The following OSBPL10 variants were observed in gnomAD, a reference collection of about 807,000 sequenced individuals.
OSBPL10 encodes the protein oxysterol-binding protein-related protein 10.
A neutral mutation model predicts 81.7 loss-of-function variants in OSBPL10; 49 were observed. The ratio of observed to expected loss-of-function variants is 0.60; its 90% CI spans 0.48 to 0.76. The LOEUF is 0.76. OSBPL10 is among the 30% of genes least tolerant of loss of function. The pLI is 0.00. For missense variants in OSBPL10, 923 were observed against 987.8 expected (o/e 0.93, Z 0.88); for synonymous variants, 419 against 383.6 (o/e 1.09, Z -1.08).
intron 2 of OSBPL10, chr3:31,988,627 T>C (rs181941609): frequency 4.3e-4 from 78 of 180,194 alleles, no homozygotes; most frequent in African/African-American, 1.8e-3. Context: ...TCTCTTTCTC[T>C]CTCCCCCTGT....
intron 3 of OSBPL10, among the ~76,000 whole-genome samples, chr3:31,849,853 C>T (rs1224489966): frequency 6.6e-6 from 1 of 152,072 alleles, no homozygotes; most frequent in South Asian, 2.1e-4. Context: ...GCCTGGGCAA[C>T]ATAGTGAGTC....
intron 4 of OSBPL10, among the ~76,000 whole-genome samples, chr3:31,802,465 C>T (rs148411559): frequency 0.03 from 4,347 of 146,802 alleles, 80 homozygotes; most frequent in Non-Finnish European, 0.042. Flanking sequence ...ACTTAGGAGG[C>T]TGAGGCAGGA....
upstream of OSBPL10, chr3:31,982,042 C>T (rs1698860729): frequency 6.6e-6 from 1 of 152,324 alleles, no homozygotes; most frequent in East Asian, 1.9e-4. Context: ...CACTCACTGG[C>T]CTAACCCTAA....
chr3:31,684,021 C>T lies in OSBPL10; in HGVS notation c.1339G>A (p.Ala447Thr), dbSNP rs754059421. Reference sequence around the variant, plus strand: ...ACTCTCTCCTCTGGTGTGGCCCCAGCGGTGATGGCCAGCAGTAGGTCTGGG... The same window carrying T: ...ACTCTCTCCTCTGGTGTGGCCCCAGTGGTGATGGCCAGCAGTAGGTCTGGG... ...AHPDLLLAIT[A>T]GATPEERVIC... Residue 447 changes from alanine (A) to threonine (T), a missense_variant, in exon 8 of 12, where the codon GCT becomes ACT. By Grantham distance (58) the Ala-to-Thr change is moderately conservative. Around this residue, in one of 3 missense-constraint regions of OSBPL10, gnomAD observed 387 missense variants for 436.3 expected, o/e 0.89. Coordinates refer to ENST00000396556, the MANE Select transcript of OSBPL10 (RefSeq NM_017784.5). The T allele has an allele frequency of 1.7e-5, 28 of 1,614,060 alleles. No individual in the cohort carries two copies. Among genetic ancestry groups the T allele is most frequent in the Middle Eastern group, 1.6e-4 (1 of 6,084 alleles).
chr3:31,783,114 TA>T (rs1559462852), intron 4 of OSBPL10, among the ~76,000 whole-genome samples: 3,212 of 20,054 alleles, frequency 0.16, 64 homozygotes, highest in East Asian at 0.32. Flanking sequence ...ATATCTATTA[TA>T]TATATATATA....
At chr3:31,662,893 C>T in intron 11 of OSBPL10, 1 of 985,470 alleles carries the variant, frequency 1.0e-6, no homozygotes, top group Non-Finnish European at 1.2e-6. Context: ...GGTTTTACCT[C>T]ACCTGGGCAG....
At position 31,917,521 on chromosome 3, in the gene OSBPL10, A is replaced by G. The variant is rs138923662; in HGVS notation, c.282-37691T>C. ...AAGACTACAGACACCCAAACCTCCT[A>G]CTCACAAGTATGCTTTGTTTTTATC... On this transcript the variant is annotated intron_variant, in intron 1 of 11. Coordinates refer to ENST00000396556, the MANE Select transcript of OSBPL10 (RefSeq NM_017784.5). 4.3e-4 allele frequency among the ~76,000 whole-genome samples: 64 copies of G among 150,314 alleles called. 1 individual carries two copies. Among genetic ancestry groups the G allele is most frequent in the Admixed American group, 8.1e-4 (12 of 14,892 alleles).
Position 31,662,021 on chromosome 3 carries a change from A to G in OSBPL10, c.*51T>C, listed in dbSNP as rs1310650702. On this transcript the variant is annotated 3_prime_UTR_variant, in exon 12 of 12. Coordinates refer to ENST00000396556, the MANE Select transcript of OSBPL10 (RefSeq NM_017784.5). ...AAAACCCTGATACTCTACTACTTTAATATTCCTACAAAAACAGGGCTATAC... is the reference window on the plus strand; with the variant it reads ...AAAACCCTGATACTCTACTACTTTAGTATTCCTACAAAAACAGGGCTATAC... The G allele has an allele frequency of 6.2e-7, 1 of 1,604,592 alleles. No individual in the cohort carries two copies. Among genetic ancestry groups the G allele is most frequent in the East Asian group, 2.2e-5 (1 of 44,638 alleles).
intron 1 of OSBPL10, among the ~76,000 whole-genome samples, chr3:31,921,866 A>C (rs995550515): frequency 6.6e-6 from 1 of 152,228 alleles, no homozygotes; most frequent in Admixed American, 6.5e-5. Flanking sequence ...ATTACAAATC[A>C]TGTTGATAGT....
chr3:31,694,092 C>T (rs908230983), intron 7 of OSBPL10, among the ~76,000 whole-genome samples: 4 of 152,136 alleles, frequency 2.6e-5, no homozygotes, highest in Non-Finnish European at 4.4e-5. Context: ...GTTTGCTGGC[C>T]GGGTGCAAAG....
intron 1 of OSBPL10, among the ~76,000 whole-genome samples, chr3:31,971,139 CTTTT>C (rs56785817): frequency 0.14 from 17,316 of 119,432 alleles, 1,214 homozygotes; most frequent in East Asian, 0.34. Context: ...TTTCTTTTTT[CTTTT>C]TTTTTTTTTT....
At chr3:31,970,037 A>T (rs1401528377) in intron 1 of OSBPL10, among the ~76,000 whole-genome samples, 2 of 152,166 alleles carry the variant, frequency 1.3e-5, no homozygotes, top group Non-Finnish European at 2.9e-5. Context: ...ATGAAGGGGT[A>T]GGAGACCAAG....
chr3:31,670,053 A>G (rs1389418485), intron 9 of OSBPL10, among the ~76,000 whole-genome samples: 1 of 152,190 alleles, frequency 6.6e-6, no homozygotes, highest in Non-Finnish European at 1.5e-5. Flanking sequence ...GATTTCAACT[A>G]CCAACATGAT....
At chr3:31,842,667 C>G (rs1418365573) in intron 3 of OSBPL10, among the ~76,000 whole-genome samples, 1 of 152,054 alleles carries the variant, frequency 6.6e-6, no homozygotes, top group South Asian at 2.1e-4. Context: ...CTTCCTGTCC[C>G]CAGAGACTCT....
chr3:31,683,801 G>C lies in OSBPL10; in HGVS notation c.1559C>G (p.Pro520Arg). Residue 520 changes from proline to arginine, a missense_variant, in exon 8 of 12, where the codon CCT becomes CGT. Transcript: ENST00000396556. ...SCHEHPMADDPSKSYKLRFVA... is the reference protein window; with the variant it reads ...SCHEHPMADDRSKSYKLRFVA... Reference sequence around the variant, plus strand: ...AAACCTTAGTTTGTAGCTTTTGGAAGGGTCATCGGCCATTGGGTGTTCGTG... The same window carrying C: ...AAACCTTAGTTTGTAGCTTTTGGAACGGTCATCGGCCATTGGGTGTTCGTG... 6.2e-7 allele frequency: 1 copy of C among 1,614,220 alleles called. No homozygotes were observed. The highest frequency in any genetic ancestry group is 1.1e-5 in the South Asian group (1 of 91,084).
At chr3:31,773,159 T>C (rs1182275324) in intron 4 of OSBPL10, among the ~76,000 whole-genome samples, 1 of 152,214 alleles carries the variant, frequency 6.6e-6, no homozygotes, top group Non-Finnish European at 1.5e-5. Context: ...GATGTTACTT[T>C]AGCACTTTCC....
At chr3:32,010,163 AG>A (rs1699240328) in intron 2 of OSBPL10, among the ~76,000 whole-genome samples, 1 of 151,648 alleles carries the variant, frequency 6.6e-6, no homozygotes, top group Non-Finnish European at 1.5e-5. Context: ...TAAGAGGAAG[AG>A]AGACAGAAAT....
At chr3:31,822,017 AAGGGTCTTCC>A (rs1699991817) in intron 4 of OSBPL10, 1 of 152,256 alleles carries the variant, frequency 6.6e-6, no homozygotes, top group South Asian at 2.1e-4. Flanking sequence ...AACTTCATTA[AAGGGTCTTCC>A]GTATGTGTGT....
In OSBPL10 at chr3:31,947,392, C is replaced by T. The variant is rs1031972851; in HGVS notation, c.281+33507G>A. On this transcript the variant is annotated intron_variant, in intron 1 of 11. Coordinates refer to ENST00000396556, the MANE Select transcript of OSBPL10 (RefSeq NM_017784.5). Reference sequence around the variant, plus strand: ...CTGAACAGCAGTTCCCACAGCATCACTAAGGCTGAAAAATTGGAATGCTAT... The same window carrying T: ...CTGAACAGCAGTTCCCACAGCATCATTAAGGCTGAAAAATTGGAATGCTAT... Among the ~76,000 whole-genome samples the T allele has an allele frequency of 2.6e-5, 4 of 152,294 alleles. No individual in the cohort carries two copies. The East Asian group carries it at 7.7e-4, about 29-fold the overall frequency.
Sources: gnomAD v4.1 joint callset for allele counts (sites outside exome capture counted in the v4.1 genomes callset) on GRCh38, gnomAD v4.1.1 for gene constraint, gnomAD v4.1.1 regional missense constraint, MANE v1.5 for transcripts, NCBI Gene and HGNC (gene_info 2026-07-23, HGNC 2026-07-21) for gene names.